Variants in MGMT observed in about 807,000 individuals in gnomAD.
The protein encoded by MGMT is methylated-DNA--protein-cysteine methyltransferase.
MGMT carries 14 observed loss-of-function variants against 15.9 expected under a neutral mutation model. The ratio of observed to expected loss-of-function variants is 0.88; its 90% confidence interval spans 0.58 to 1.37. The LOEUF is 1.37. Among genes scored for constraint, MGMT ranks in the 40% most tolerant of loss-of-function variants. The probability of loss-of-function intolerance (pLI) is 0.00; values close to 1 mark genes in which losing one functional copy is unlikely to be tolerated. For synonymous variants in MGMT, 130 were observed against 118.2 expected, an observed-to-expected ratio of 1.10 and a Z score of -0.65; for missense variants, 282 against 268.1, an observed-to-expected ratio of 1.05 and a Z score of -0.36.
chr10:129,559,684 C>T (rs1015509452), intron 2 of MGMT, among the ~76,000 whole-genome samples: 6 of 152,004 alleles, frequency 3.9e-5, no homozygotes, highest in African/African-American at 1.2e-4. Flanking sequence ...CATATATCAT[C>T]TTAGTCATCA....
intron 2 of MGMT, among the ~76,000 whole-genome samples, chr10:129,643,760 G>A (rs1391522414): frequency 1.3e-5 from 2 of 152,158 alleles, no homozygotes; most frequent in East Asian, 1.9e-4. Flanking sequence ...CCTCTCTTTG[G>A]TCTTAACAAC....
At chr10:129,652,529 C>T (rs1289060785) in intron 2 of MGMT, among the ~76,000 whole-genome samples, 1 of 152,238 alleles carries the variant, frequency 6.6e-6, no homozygotes, top group African/African-American at 2.4e-5. Context: ...GAGCAGACTT[C>T]AGAGCTGATC....
intron 2 of MGMT, among the ~76,000 whole-genome samples, chr10:129,646,754 A>ATATATATATATATATATTTTTTTTTTTT: frequency 1.2e-5 from 1 of 86,674 alleles, no homozygotes; most frequent in Non-Finnish European, 2.6e-5. Flanking sequence ...ATATATATAT[A>ATATATATATATATATATTTTTTTTTTTT]TTTTCAGGGA....
intron 2 of MGMT, among the ~76,000 whole-genome samples, chr10:129,696,636 G>A (rs1001660410): frequency 5.3e-5 from 8 of 152,244 alleles, no homozygotes; most frequent in Non-Finnish European, 1.2e-4. Context: ...CACGTGCTCC[G>A]GAGGAGCCTC....
chr10:129,587,275 T>C (rs576334819), intron 2 of MGMT, among the ~76,000 whole-genome samples: 2 of 152,134 alleles, frequency 1.3e-5, no homozygotes, highest in Non-Finnish European at 2.9e-5. Flanking sequence ...TACATCTATA[T>C]TTGTCTGTTT....
intron 2 of MGMT, among the ~76,000 whole-genome samples, chr10:129,543,808 C>T (rs1846070495): frequency 1.3e-5 from 2 of 152,196 alleles, no homozygotes; most frequent in African/African-American, 2.4e-5. Context: ...TTGTTCATTT[C>T]ATTTAATTTT....
At chr10:129,504,407 A>G (rs984607408) in intron 1 of MGMT, among the ~76,000 whole-genome samples, 2 of 152,204 alleles carry the variant, frequency 1.3e-5, no homozygotes, top group African/African-American at 2.4e-5. Flanking sequence ...GTAGAGAAAA[A>G]CTGTGCAGAA....
chr10:129,573,544 G>A (rs932107353), intron 2 of MGMT, among the ~76,000 whole-genome samples: 4 of 151,740 alleles, frequency 2.6e-5, no homozygotes, highest in African/African-American at 9.7e-5. Context: ...AATCATATAT[G>A]TTTATTTCCT....
chr10:129,725,521 A>G (rs193047651), intron 3 of MGMT, among the ~76,000 whole-genome samples: 1 of 152,372 alleles, frequency 6.6e-6, no homozygotes, highest in East Asian at 1.9e-4. Flanking sequence ...CCTGGACCTG[A>G]AACATCATTG....
intron 3 of MGMT, among the ~76,000 whole-genome samples, chr10:129,740,372 C>T (rs1313109091): frequency 1.3e-5 from 2 of 152,050 alleles, no homozygotes; most frequent in Non-Finnish European, 2.9e-5. Context: ...GGAAGAGGCC[C>T]CCAGGAAACC....
intron 1 of MGMT, among the ~76,000 whole-genome samples, chr10:129,512,395 T>C (rs1845693575): frequency 6.6e-6 from 1 of 152,220 alleles, no homozygotes; most frequent in Non-Finnish European, 1.5e-5. Context: ...GTTAATAAAC[T>C]AGTGTCTCAA....
At chr10:129,622,105 G>A (rs1015752150) in intron 2 of MGMT, among the ~76,000 whole-genome samples, 1 of 152,172 alleles carries the variant, frequency 6.6e-6, no homozygotes, top group Admixed American at 6.5e-5. Flanking sequence ...GTGGATAACT[G>A]TTTCACAACA....
At chr10:129,755,138 G>T (rs1045943226) in intron 3 of MGMT, among the ~76,000 whole-genome samples, 2 of 152,194 alleles carry the variant, frequency 1.3e-5, no homozygotes, top group African/African-American at 4.8e-5. Flanking sequence ...CTTCTGCCCA[G>T]GTTTTATAAA....
At chr10:129,512,726 A>G (rs1589843126) in intron 1 of MGMT, among the ~76,000 whole-genome samples, 1 of 152,210 alleles carries the variant, frequency 6.6e-6, no homozygotes, top group South Asian at 2.1e-4. Flanking sequence ...TGCCTTGAAT[A>G]TAAGTATATT....
At chr10:129,703,813 G>C (rs539182885) in intron 2 of MGMT, among the ~76,000 whole-genome samples, 2 of 152,102 alleles carry the variant, frequency 1.3e-5, no homozygotes. Context: ...CCCATCCCTC[G>C]AACCCTGAAG....
At chr10:129,700,582 A>C (rs1223836904) in intron 2 of MGMT, 2 of 152,154 alleles carry the variant, frequency 1.3e-5, no homozygotes, top group Admixed American at 1.3e-4. Context: ...GACAGCCCTG[A>C]GTCAGTATTC....
At chr10:129,505,652 A>G (rs551833727) in intron 1 of MGMT, among the ~76,000 whole-genome samples, 2 of 152,260 alleles carry the variant, frequency 1.3e-5, no homozygotes, top group African/African-American at 2.4e-5. Context: ...CTTATTGTAC[A>G]TTCATCATCT....
intron 2 of MGMT, among the ~76,000 whole-genome samples, chr10:129,606,724 A>G (rs1420394766): frequency 6.6e-6 from 1 of 152,210 alleles, no homozygotes; most frequent in Non-Finnish European, 1.5e-5. Context: ...AATACAGACT[A>G]ATTACACAGA....
chr10:129,621,222 C>A (rs1391155216), intron 2 of MGMT, among the ~76,000 whole-genome samples: 2 of 152,226 alleles, frequency 1.3e-5, no homozygotes, highest in Admixed American at 6.5e-5. Flanking sequence ...TTCTCATGAT[C>A]TACATTGAAA....
Sources: gnomAD v4.1 joint callset for allele counts (sites outside exome capture counted in the v4.1 genomes callset) on GRCh38, gnomAD v4.1.1 for gene constraint, MANE v1.5 for transcripts, NCBI Gene and HGNC (gene_info 2026-07-23, HGNC 2026-07-21) for gene names.